Variants in PARD3 observed in about 807,000 individuals in gnomAD.
PARD3 encodes the protein partitioning defective 3 homolog.
A neutral mutation model predicts 155.4 loss-of-function variants in PARD3; 75 were observed. That is an observed-to-expected ratio of 0.48 (90% CI 0.40 to 0.58). The LOEUF is 0.58. Ranked by LOEUF, PARD3 falls within the 20% of genes least tolerant of loss-of-function variation. The probability of loss-of-function intolerance (pLI) is 0.00; values close to 1 mark genes in which losing one functional copy is unlikely to be tolerated. For missense variants in PARD3, 1,642 were observed against 1,721.7 expected, an observed-to-expected ratio of 0.95 and a Z score of 0.82; for synonymous variants, 576 against 610.5, an observed-to-expected ratio of 0.94 and a Z score of 0.83.
chr10:34,123,427 A>T (rs114101598), intron 23 of PARD3, among the ~76,000 whole-genome samples: 280 of 152,196 alleles, frequency 1.8e-3, no homozygotes, highest in African/African-American at 6.2e-3. Context: ...TATTTTCCAC[A>T]GTTTTTTTTT....
chr10:34,670,254 C>T (rs1049029908), intron 2 of PARD3, among the ~76,000 whole-genome samples: 1 of 152,258 alleles, frequency 6.6e-6, no homozygotes, highest in Non-Finnish European at 1.5e-5. Flanking sequence ...AGCCTCAAAA[C>T]ACAAGGGACG....
chr10:34,415,614 C>T (rs1014371940), intron 5 of PARD3, among the ~76,000 whole-genome samples: 2 of 152,030 alleles, frequency 1.3e-5, no homozygotes, highest in African/African-American at 4.8e-5. Context: ...AAAAAGGAAC[C>T]TGAATTGCAT....
chr10:34,319,660 T>C (rs1038153011), intron 19 of PARD3, among the ~76,000 whole-genome samples: 3 of 152,222 alleles, frequency 2.0e-5, no homozygotes, highest in South Asian at 2.1e-4. Flanking sequence ...ATCCTGGCAG[T>C]TGGCCCAAGG....
intron 20 of PARD3, among the ~76,000 whole-genome samples, chr10:34,304,766 T>C (rs935457040): frequency 6.6e-5 from 10 of 152,182 alleles, no homozygotes; most frequent in Non-Finnish European, 1.3e-4. Flanking sequence ...TTATGAGGTG[T>C]AAAGGGGTTA....
chr10:34,683,381 A>G (rs1431166409), intron 2 of PARD3, among the ~76,000 whole-genome samples: 1 of 151,864 alleles, frequency 6.6e-6, no homozygotes, highest in Non-Finnish European at 1.5e-5. Context: ...TATCTCCTGA[A>G]TCTGAAATTT....
intron 23 of PARD3, among the ~76,000 whole-genome samples, chr10:34,121,722 CTTAG>C (rs942671908): frequency 2.0e-5 from 3 of 152,156 alleles, no homozygotes; most frequent in African/African-American, 7.2e-5. Context: ...AGCATATGGG[CTTAG>C]TTAGTGAGCA....
intron 22 of PARD3, among the ~76,000 whole-genome samples, chr10:34,219,054 C>T (rs569565914): frequency 3.9e-5 from 6 of 152,250 alleles, no homozygotes; most frequent in African/African-American, 9.6e-5. Flanking sequence ...CAAATGTTCA[C>T]GCTAAAAAGT....
At chr10:34,372,119 C>T (rs1840731971) in intron 12 of PARD3, among the ~76,000 whole-genome samples, 1 of 151,998 alleles carries the variant, frequency 6.6e-6, no homozygotes, top group South Asian at 2.1e-4. Flanking sequence ...TTAGCCCTCC[C>T]TTTTTTTCCA....
intron 20 of PARD3, among the ~76,000 whole-genome samples, chr10:34,313,767 A>G (rs1408633581): frequency 6.6e-6 from 1 of 152,186 alleles, no homozygotes; most frequent in Non-Finnish European, 1.5e-5. Context: ...CAGGGAGGCA[A>G]CAGGATGATG....
rs375275055 is a variant in PARD3 at position 34,368,323 on chromosome 10, T to C, written c.1707+4175A>G. On this transcript the variant is annotated intron_variant, in intron 12 of 24. Transcript: ENST00000374788. ...CTAGTTCCGGTTAGGGTAAGCCTCA[T>C]GAGATAGGTAGAAGTCAGTAGGATT... Among the ~76,000 whole-genome samples the C allele has an allele frequency of 1.4e-4, 22 of 152,160 alleles. No individual in the cohort carries two copies. The East Asian group carries it at 3.9e-3, about 27-fold the overall frequency.
chr10:34,718,228 G>A (rs2094551141), intron 1 of PARD3, among the ~76,000 whole-genome samples: 1 of 151,744 alleles, frequency 6.6e-6, no homozygotes, highest in Non-Finnish European at 1.5e-5. Context: ...ACTCAGTTAT[G>A]GAAATTGTAA....
chr10:34,600,882 G>A (rs1398282790), intron 2 of PARD3, among the ~76,000 whole-genome samples: 1 of 151,310 alleles, frequency 6.6e-6, no homozygotes, highest in Non-Finnish European at 1.5e-5. Context: ...GACCTCTCAA[G>A]CTCAAGTGAT....
intron 5 of PARD3, among the ~76,000 whole-genome samples, chr10:34,407,141 T>A (rs1844566046): frequency 6.6e-6 from 1 of 152,182 alleles, no homozygotes; most frequent in Non-Finnish European, 1.5e-5. Context: ...ACAGAGAGGC[T>A]GTTCATTTTT....
At chr10:34,218,302 C>T (rs992081719) in intron 22 of PARD3, among the ~76,000 whole-genome samples, 3 of 152,202 alleles carry the variant, frequency 2.0e-5, no homozygotes, top group African/African-American at 7.2e-5. Flanking sequence ...ACACTTGGTG[C>T]TCTGTCATTG....
chr10:34,523,441 A>G (rs946760355), intron 2 of PARD3, among the ~76,000 whole-genome samples: 4 of 152,230 alleles, frequency 2.6e-5, no homozygotes, highest in Non-Finnish European at 5.9e-5. Context: ...AATTCTTTTA[A>G]AAAGGCATCA....
At chr10:34,725,782 T>G (rs1253754249) in intron 1 of PARD3, among the ~76,000 whole-genome samples, 1 of 152,146 alleles carries the variant, frequency 6.6e-6, no homozygotes, top group African/African-American at 2.4e-5. Flanking sequence ...CCAGCTTGGG[T>G]AGCTAACACC....
intron 22 of PARD3, among the ~76,000 whole-genome samples, chr10:34,136,243 T>C (rs1947890342): frequency 2.0e-5 from 3 of 152,190 alleles, no homozygotes; most frequent in African/African-American, 7.2e-5. Context: ...GATAGTCTTG[T>C]TTCTCCTAAA....
intron 20 of PARD3, among the ~76,000 whole-genome samples, chr10:34,290,319 G>T (rs1485864420): frequency 6.6e-6 from 1 of 152,164 alleles, no homozygotes; most frequent in Non-Finnish European, 1.5e-5. Context: ...CAATTATCTT[G>T]TAAGGTTTAG....
At chr10:34,320,363 T>A (rs1958298627) in intron 19 of PARD3, among the ~76,000 whole-genome samples, 1 of 152,236 alleles carries the variant, frequency 6.6e-6, no homozygotes, top group Admixed American at 6.5e-5. Flanking sequence ...GCTGTATGCA[T>A]CATTTAATAG....
Sources: allele counts gnomAD v4.1 joint callset (sites outside exome capture counted in the v4.1 genomes callset), GRCh38; gene constraint gnomAD v4.1.1; transcripts MANE v1.5; gene names NCBI Gene and HGNC (gene_info 2026-07-23, HGNC 2026-07-21).